CA10: variants seen among roughly 807,000 people sequenced by gnomAD.
CA10 encodes carbonic anhydrase-related protein 10.
A neutral mutation model predicts 44.2 loss-of-function variants in CA10; 14 were observed. The ratio of observed to expected loss-of-function variants is 0.32; its 90% CI spans 0.21 to 0.50. CA10 has a LOEUF of 0.50. Among genes scored for constraint, CA10 ranks in the 20% least tolerant of loss-of-function variants. CA10 has a pLI of 0.99. For synonymous variants in CA10, 159 were observed against 141.6 expected (o/e 1.12, Z -0.87); for missense variants, 350 against 409.7 (o/e 0.85, Z 1.26).
At chr17:52,015,592 G>T (rs1020113157) in intron 2 of CA10, among the ~76,000 whole-genome samples, 1 of 152,122 alleles carries the variant, frequency 6.6e-6, no homozygotes, top group Non-Finnish European at 1.5e-5. Context: ...CTGATGAGAA[G>T]TAAGGATTTA....
chr17:51,840,478 T>TACACACAC (rs3033576), intron 3 of CA10, among the ~76,000 whole-genome samples: 16 of 146,728 alleles, frequency 1.1e-4, no homozygotes, highest in South Asian at 6.8e-4. Context: ...CAACCTTTAA[T>TACACACAC]ACACACACAC....
intron 3 of CA10, among the ~76,000 whole-genome samples, chr17:51,776,069 G>C (rs1905806495): frequency 6.6e-6 from 1 of 152,186 alleles, no homozygotes; most frequent in South Asian, 2.1e-4. Context: ...GAGATACACT[G>C]AGATTTGGCT....
chr17:51,903,756 C>T (rs1357982196), intron 3 of CA10, among the ~76,000 whole-genome samples: 1 of 152,262 alleles, frequency 6.6e-6, no homozygotes, highest in East Asian at 1.9e-4. Flanking sequence ...TCAAAAACTA[C>T]ACTTTCAAGA....
At chr17:51,675,448 T>C (rs1266553927) in intron 4 of CA10, among the ~76,000 whole-genome samples, 1 of 151,244 alleles carries the variant, frequency 6.6e-6, no homozygotes, top group Admixed American at 6.6e-5. Context: ...TAGTCCCAGC[T>C]ACTCAGGGGA....
chr17:51,992,014 A>G (rs1374845130), intron 2 of CA10, among the ~76,000 whole-genome samples: 1 of 151,956 alleles, frequency 6.6e-6, no homozygotes, highest in Non-Finnish European at 1.5e-5. Context: ...CATACCAAGA[A>G]GTAAAACATC....
At chr17:51,833,460 C>T (rs1438752190) in intron 3 of CA10, among the ~76,000 whole-genome samples, 1 of 152,204 alleles carries the variant, frequency 6.6e-6, no homozygotes, top group Non-Finnish European at 1.5e-5. Context: ...AATTGAAATA[C>T]TCTTTCAAAG....
intron 4 of CA10, among the ~76,000 whole-genome samples, chr17:51,680,108 A>T (rs1345524643): frequency 1.3e-5 from 2 of 152,206 alleles, no homozygotes; most frequent in Non-Finnish European, 2.9e-5. Flanking sequence ...TGGAAAAAAA[A>T]ATTGTCTATC....
At chr17:51,868,602 G>A (rs917773914) in intron 3 of CA10, among the ~76,000 whole-genome samples, 2 of 152,124 alleles carry the variant, frequency 1.3e-5, no homozygotes, top group African/African-American at 4.8e-5. Flanking sequence ...CAGAGTTGTG[G>A]CTTTGATTTA....
At chr17:51,740,719 G>A (rs749182568) in intron 4 of CA10, among the ~76,000 whole-genome samples, 11 of 152,100 alleles carry the variant, frequency 7.2e-5, no homozygotes, top group African/African-American at 9.7e-5. Context: ...TGCTGCTTCC[G>A]CTCTTCCTTG....
intron 3 of CA10, among the ~76,000 whole-genome samples, chr17:51,925,489 C>T (rs967805522): frequency 7.9e-5 from 12 of 151,196 alleles, no homozygotes; most frequent in African/African-American, 2.9e-4. Flanking sequence ...TTGTGTGTTG[C>T]TGATGAGAAT....
intron 1 of CA10, among the ~76,000 whole-genome samples, chr17:52,134,384 T>G (rs1197463984): frequency 6.6e-6 from 1 of 152,216 alleles, no homozygotes; most frequent in East Asian, 1.9e-4. Flanking sequence ...AGTGCCAAAC[T>G]TGGGTTCAAA....
intron 4 of CA10, among the ~76,000 whole-genome samples, chr17:51,657,635 G>A (rs898806398): frequency 2.6e-5 from 4 of 152,180 alleles, no homozygotes; most frequent in African/African-American, 9.6e-5. Flanking sequence ...CCATGTATAG[G>A]TAACACTTTT....
intron 4 of CA10, among the ~76,000 whole-genome samples, chr17:51,715,204 C>T (rs548081208): frequency 3.4e-4 from 52 of 151,896 alleles, no homozygotes; most frequent in African/African-American, 1.2e-3. Context: ...CATCACACAC[C>T]AGGGACTGTT....
rs1194411105 is a variant in CA10, at chr17:51,787,343, C to T, written c.280-39525G>A. ...ATTTGTCTTTTCAGCCTTTGAATTT[C>T]TTCATGATTCAATGTTGGTAGGTTG... On this transcript the variant is annotated intron_variant, in intron 3 of 8. Transcript: ENST00000451037. 2.6e-5 allele frequency among the ~76,000 whole-genome samples: 4 copies of T among 152,194 alleles called. No individual in the cohort carries two copies. In the East Asian group the frequency reaches 7.7e-4, roughly 29 times the overall value.
chr17:51,854,664 C>T (rs1040028216), intron 3 of CA10, among the ~76,000 whole-genome samples: 1 of 152,104 alleles, frequency 6.6e-6, no homozygotes, highest in Non-Finnish European at 1.5e-5. Context: ...CTTGGTTCCC[C>T]TTTCTCTCTC....
At chr17:52,076,672 A>G (rs895449057) in intron 1 of CA10, among the ~76,000 whole-genome samples, 1 of 152,232 alleles carries the variant, frequency 6.6e-6, no homozygotes, top group Non-Finnish European at 1.5e-5. Flanking sequence ...ACAGGATGGC[A>G]CATTTAAAAA....
intron 4 of CA10, among the ~76,000 whole-genome samples, chr17:51,746,650 C>A (rs750163899): frequency 2.0e-5 from 3 of 152,152 alleles, no homozygotes; most frequent in Non-Finnish European, 2.9e-5. Flanking sequence ...GTGGTAGGAG[C>A]CCTTTTTTTA....
chr17:51,687,131 A>G (rs1457001324), intron 4 of CA10, among the ~76,000 whole-genome samples: 2 of 152,158 alleles, frequency 1.3e-5, no homozygotes, highest in Non-Finnish European at 2.9e-5. Context: ...GACTTTCTAC[A>G]TCTTACCTTT....
chr17:52,066,811 C>A (rs904555929), intron 2 of CA10, among the ~76,000 whole-genome samples: 1 of 152,080 alleles, frequency 6.6e-6, no homozygotes, highest in African/African-American at 2.4e-5. Flanking sequence ...TTGCTCCACC[C>A]CAGAGATCTG....
Sources: allele counts gnomAD v4.1 joint callset (sites outside exome capture counted in the v4.1 genomes callset), GRCh38; gene constraint gnomAD v4.1.1; transcripts MANE v1.5; gene names NCBI Gene and HGNC (gene_info 2026-07-23, HGNC 2026-07-21).